Variants in GTF2E2 observed in about 807,000 individuals in gnomAD.
GTF2E2 encodes the protein transcription initiation factor IIE subunit beta.
Under a neutral mutation model 40.5 loss-of-function variants are expected in GTF2E2, and 21 were observed. The observed-to-expected ratio is 0.52, with a 90% CI of 0.37 to 0.75. The LOEUF (loss-of-function observed/expected upper bound fraction) is 0.75, where lower values mean the gene tolerates loss of function less well. Ranked by LOEUF, GTF2E2 falls within the 30% of genes least tolerant of loss-of-function variation. The probability of loss-of-function intolerance (pLI) is 0.00; values close to 1 mark genes in which losing one functional copy is unlikely to be tolerated. For missense variants in GTF2E2, 298 were observed against 338.4 expected (o/e 0.88, Z 0.94); for synonymous variants, 117 against 121.6 (o/e 0.96, Z 0.25).
chr8:30,623,575 C>A (rs1249414878), intron 3 of GTF2E2, among the ~76,000 whole-genome samples: 1 of 151,976 alleles, frequency 6.6e-6, no homozygotes, highest in Non-Finnish European at 1.5e-5. Flanking sequence ...GTTCTAGATC[C>A]CTGAGGAATC....
At chr8:30,647,181 G>A (rs1216513971) in intron 2 of GTF2E2, among the ~76,000 whole-genome samples, 1 of 152,022 alleles carries the variant, frequency 6.6e-6, no homozygotes, top group East Asian at 1.9e-4. Context: ...ACAAAAAAAA[G>A]CACTAGGTAT....
At chr8:30,654,321 T>C (rs1253960092) in intron 1 of GTF2E2, among the ~76,000 whole-genome samples, 1 of 152,136 alleles carries the variant, frequency 6.6e-6, no homozygotes, top group Non-Finnish European at 1.5e-5. Context: ...ATTAATTACA[T>C]GTTGAAGTGA....
intron 6 of GTF2E2, among the ~76,000 whole-genome samples, chr8:30,605,536 T>C (rs1305224694): frequency 6.6e-6 from 1 of 152,178 alleles, no homozygotes; most frequent in Non-Finnish European, 1.5e-5. Context: ...GAACTTGTAA[T>C]ACTTGTGATA....
chr8:30,617,175 T>C (rs571192910), intron 3 of GTF2E2, among the ~76,000 whole-genome samples: 62 of 152,276 alleles, frequency 4.1e-4, no homozygotes, highest in South Asian at 8.3e-4. Context: ...CTGAACCTCA[T>C]TGGGCTTCAG....
At chr8:30,616,855 TAAA>T (rs1800934137) in intron 3 of GTF2E2, among the ~76,000 whole-genome samples, 1 of 152,176 alleles carries the variant, frequency 6.6e-6, no homozygotes, top group African/African-American at 2.4e-5. Context: ...GTATGTATGT[TAAA>T]AAACATATGC....
chr8:30,601,564 C>T (rs1829181679), intron 6 of GTF2E2, among the ~76,000 whole-genome samples: 1 of 152,184 alleles, frequency 6.6e-6, no homozygotes, highest in Admixed American at 6.5e-5. Flanking sequence ...ACTCAACCAA[C>T]CCCAAATGTT....
chr8:30,637,527 T>C (rs1338521867), intron 2 of GTF2E2, among the ~76,000 whole-genome samples: 1 of 151,966 alleles, frequency 6.6e-6, no homozygotes, highest in East Asian at 1.9e-4. Flanking sequence ...TTATTTATTT[T>C]ATTTTATTTT....
rs1385648156 is a variant in GTF2E2, at chr8:30,610,746, A to G, written c.549+1553T>C. On this transcript the variant is annotated intron_variant, in intron 5 of 7. Transcript: ENST00000355904. The stretch of plus-strand genomic sequence containing the variant: ...AAACTCCTAGAAGAAAACATAGGAC[A>G]AAAGCTTCATGACATTAGATTTGGC... 2.6e-5 allele frequency among the ~76,000 whole-genome samples: 4 copies of G among 152,336 alleles called. No individual in the cohort carries two copies. The East Asian group carries it at 7.7e-4, about 29-fold the overall frequency.
intron 1 of GTF2E2, among the ~76,000 whole-genome samples, chr8:30,657,205 C>T (rs924592500): frequency 1.3e-5 from 2 of 152,186 alleles, no homozygotes; most frequent in Non-Finnish European, 2.9e-5. Flanking sequence ...AGTTTTAGAT[C>T]TCTGGACCCC....
chr8:30,624,965 T>G (rs1305748005), intron 3 of GTF2E2, among the ~76,000 whole-genome samples: 1 of 57,108 alleles, frequency 1.8e-5, no homozygotes, highest in African/African-American at 1.0e-4. Context: ...CAGGGACAAT[T>G]TGACTTCCTC....
chr8:30,639,896 G>A (rs1801753588), intron 2 of GTF2E2, among the ~76,000 whole-genome samples: 1 of 151,448 alleles, frequency 6.6e-6, no homozygotes, highest in South Asian at 2.1e-4. Flanking sequence ...CAGCACAGTG[G>A]GGTTAATTAT....
intron 2 of GTF2E2, among the ~76,000 whole-genome samples, chr8:30,641,300 A>G (rs1464707292): frequency 2.0e-5 from 3 of 152,186 alleles, no homozygotes; most frequent in African/African-American, 7.2e-5. Flanking sequence ...CCAGCAAAGC[A>G]TGTAAGTGCC....
intron 3 of GTF2E2, among the ~76,000 whole-genome samples, chr8:30,618,212 G>A (rs1265809873): frequency 2.0e-5 from 3 of 149,938 alleles, no homozygotes; most frequent in African/African-American, 4.9e-5. Flanking sequence ...AAGGAGAATC[G>A]CTTCAACTGA....
At chr8:30,585,377 TA>T (rs1828648086) in intron 6 of GTF2E2, among the ~76,000 whole-genome samples, 2 of 152,218 alleles carry the variant, frequency 1.3e-5, no homozygotes, top group Non-Finnish European at 2.9e-5. Context: ...AAAGGCAATA[TA>T]AAACATTTAA....
At chr8:30,637,303 A>C (rs1408901292) in intron 2 of GTF2E2, 1 of 456,270 alleles carries the variant, frequency 2.2e-6, no homozygotes, top group South Asian at 1.5e-5. Context: ...CAATGTGTTA[A>C]GGACAAACAC....
At chr8:30,616,847 A>G (rs1585969004) in intron 3 of GTF2E2, among the ~76,000 whole-genome samples, 1 of 152,298 alleles carries the variant, frequency 6.6e-6, no homozygotes, top group African/African-American at 2.4e-5. Flanking sequence ...AGAAAAAAGT[A>G]TGTATGTTAA....
chr8:30,588,349 CA>C (rs1397910905), intron 6 of GTF2E2, among the ~76,000 whole-genome samples: 1 of 151,902 alleles, frequency 6.6e-6, no homozygotes, highest in Non-Finnish European at 1.5e-5. Context: ...GAACGGATAA[CA>C]AAAATATAAT....
At chr8:30,624,662 T>C (rs1403112724) in intron 3 of GTF2E2, among the ~76,000 whole-genome samples, 1 of 152,222 alleles carries the variant, frequency 6.6e-6, no homozygotes, top group East Asian at 1.9e-4. Flanking sequence ...TGTTCTTCCA[T>C]TTGTTTGTAT....
At chr8:30,616,057 G>A (rs1187479604) in intron 3 of GTF2E2, among the ~76,000 whole-genome samples, 1 of 152,082 alleles carries the variant, frequency 6.6e-6, no homozygotes, top group African/African-American at 2.4e-5. Flanking sequence ...TATTACTAAG[G>A]GAAAGAAGCC....
Sources: allele counts gnomAD v4.1 joint callset (sites outside exome capture counted in the v4.1 genomes callset), GRCh38; gene constraint gnomAD v4.1.1; transcripts MANE v1.5; gene names NCBI Gene and HGNC (gene_info 2026-07-23, HGNC 2026-07-21).